The following FAM221A variants were observed in gnomAD, a reference collection of about 807,000 sequenced individuals.
FAM221A encodes the protein protein FAM221A.
FAM221A carries 43 observed loss-of-function variants against 37.6 expected under a neutral mutation model. The ratio of observed to expected loss-of-function variants is 1.15; its 90% CI spans 0.90 to 1.48. The LOEUF (loss-of-function observed/expected upper bound fraction) is 1.48. Ranked by LOEUF, FAM221A falls within the 40% of genes most tolerant of loss-of-function variation. The pLI is 0.00. For missense variants in FAM221A, 361 were observed against 361.5 expected, an observed-to-expected ratio of 1.00 and a Z score of 0.01; for synonymous variants, 135 against 132.9, an observed-to-expected ratio of 1.02 and a Z score of -0.11.
intron 1 of FAM221A, among the ~76,000 whole-genome samples, chr7:23,682,419 T>C (rs1218022952): frequency 7.2e-5 from 5 of 69,078 alleles, no homozygotes. Context: ...ATATTTATTA[T>C]TATTATTATT....
chr7:23,687,178 A>G (rs1196009731), intron 2 of FAM221A: 6 of 152,398 alleles, frequency 3.9e-5, no homozygotes, highest in Admixed American at 6.5e-5. Context: ...GTGCTGATCA[A>G]AAACAAGATT....
chr7:23,680,224 G>A lies in FAM221A; in HGVS notation c.6G>A (p.Glu2=). Residue 2 remains glutamate, a synonymous_variant, in exon 1 of 7, where the codon GAG becomes GAA. Coordinates refer to ENST00000344962, the MANE Select transcript of FAM221A (RefSeq NM_199136.5). ...CTTTGGCTTCCCCACCGGCAATGGAGCGGTTGACGTTGCCTCTCGGCGGCG... is the reference window on the plus strand; with the variant it reads ...CTTTGGCTTCCCCACCGGCAATGGAACGGTTGACGTTGCCTCTCGGCGGCG... M[E]RLTLPLGGAA... 1.3e-6 allele frequency: 2 copies of A among 1,549,870 alleles called. No homozygotes were observed. Among genetic ancestry groups the A allele is most frequent in the Non-Finnish European group, 1.7e-6 (2 of 1,146,112 alleles).
chr7:23,699,222 A>G (rs909407163), intron 5 of FAM221A, among the ~76,000 whole-genome samples: 2 of 149,824 alleles, frequency 1.3e-5, no homozygotes, highest in Admixed American at 1.3e-4. Context: ...GGCTCAAGTG[A>G]TCTTCCTGCC....
chr7:23,699,642 A>T (rs1157988855), intron 5 of FAM221A, among the ~76,000 whole-genome samples: 3 of 144,672 alleles, frequency 2.1e-5, no homozygotes, highest in African/African-American at 7.8e-5. Context: ...TACCTGGCTC[A>T]AGTGATCTCC....
intron 1 of FAM221A, among the ~76,000 whole-genome samples, chr7:23,683,819 A>G (rs1313810947): frequency 1.3e-5 from 2 of 152,186 alleles, no homozygotes. Flanking sequence ...ATGAACTGGG[A>G]AAGAAGGGAG....
intron 3 of FAM221A, among the ~76,000 whole-genome samples, chr7:23,690,200 T>TATATATATATATATA (rs1491098232): frequency 3.3e-3 from 62 of 18,564 alleles, no homozygotes; most frequent in South Asian, 0.016. Context: ...TATATATATA[T>TATATATATATATATA]TTTTTTTTTT....
intron 1 of FAM221A, among the ~76,000 whole-genome samples, chr7:23,683,698 G>A (rs1484129272): frequency 1.3e-5 from 2 of 152,094 alleles, no homozygotes; most frequent in East Asian, 3.9e-4. Flanking sequence ...GTGGAGGGGA[G>A]AAAAGATTTC....
At chr7:23,702,981 G>A (rs1010131281), downstream of FAM221A, 2 of 152,162 alleles carry the variant, frequency 1.3e-5, no homozygotes, top group African/African-American at 2.4e-5. Flanking sequence ...GCCCAAAGAT[G>A]TTGGGGAGCT....
chr7:23,683,104 G>A (rs1784157889), intron 1 of FAM221A, among the ~76,000 whole-genome samples: 1 of 152,156 alleles, frequency 6.6e-6, no homozygotes, highest in Non-Finnish European at 1.5e-5. Context: ...AAAAAAGCAT[G>A]TATTGCACAA....
At chr7:23,683,265 A>G (rs1430171877) in intron 1 of FAM221A, among the ~76,000 whole-genome samples, 1 of 152,186 alleles carries the variant, frequency 6.6e-6, no homozygotes, top group Non-Finnish European at 1.5e-5. Flanking sequence ...TTTCATAGAA[A>G]TAGTGGGGGC....
chr7:23,684,591 G>A lies in FAM221A; in HGVS notation c.158G>A (p.Arg53Lys). 1.9e-6 allele frequency: 3 copies of A among 1,614,108 alleles called. No homozygotes were observed. The highest frequency in any genetic ancestry group is 2.5e-6 in the Non-Finnish European group (3 of 1,179,958). ...RKVLPLRLQN[R>K]LFVSWRSPTG... ...GTTTTACCTCTGCGCTTACAAAACA[G>A]ATTATTTGTGAGCTGGCGGTCACCA... is the stretch of plus-strand genomic sequence containing the variant. Residue 53 changes from arginine (R) to lysine (K), a missense_variant, in exon 2 of 7, where the codon AGA (arginine) becomes AAA (lysine). By Grantham distance (26) the Arg-to-Lys change is conservative. Coordinates refer to ENST00000344962, the MANE Select transcript of FAM221A (RefSeq NM_199136.5).
At position 23,695,405 on chromosome 7, in the gene FAM221A, A is replaced by G. The variant is rs182995240; in HGVS notation, c.638-2787A>G. Among the ~76,000 whole-genome samples the G allele has an allele frequency of 4.9e-3, 748 of 152,208 alleles. 11 individuals are homozygous for G. The highest frequency in any genetic ancestry group is 0.017 in the African/African-American group (700 of 41,510). ...TTCTAGGTATTTAACTTTTTTTGAG[A>G]TGGAATCTTGCTCTGTCTCCCAGGC... On this transcript the variant is annotated intron_variant, in intron 4 of 6. Transcript: ENST00000344962.
At chr7:23,692,873 TG>T (rs1037250018) in intron 4 of FAM221A, 18 of 470,730 alleles carry the variant, frequency 3.8e-5, no homozygotes, top group African/African-American at 3.8e-4. Flanking sequence ...CTTGCTATGG[TG>T]GTAGGCTAGG....
At chr7:23,690,830 T>C (rs900411437) in intron 3 of FAM221A, among the ~76,000 whole-genome samples, 1 of 152,226 alleles carries the variant, frequency 6.6e-6, no homozygotes, top group Non-Finnish European at 1.5e-5. Flanking sequence ...TGTTTCTGGA[T>C]TTGCCTATTC....
chr7:23,689,625 G>C (rs1465123217), intron 3 of FAM221A, among the ~76,000 whole-genome samples, 166 bp downstream of exon 3: 3 of 152,252 alleles, frequency 2.0e-5, no homozygotes, highest in African/African-American at 7.2e-5. Flanking sequence ...GAATTCATTG[G>C]ATAGATACTC....
intron 3 of FAM221A, among the ~76,000 whole-genome samples, chr7:23,690,182 TATATATATATATATATA>T (rs1420854588): frequency 1.9e-5 from 1 of 52,644 alleles, no homozygotes; most frequent in African/African-American, 6.2e-5. Flanking sequence ...TATATATATA[TATATATATATATATATA>T]TTTTTTTTTT....
chr7:23,698,802 T>A (rs550533866), intron 5 of FAM221A, among the ~76,000 whole-genome samples: 8 of 152,360 alleles, frequency 5.3e-5, no homozygotes, highest in African/African-American at 1.9e-4. Flanking sequence ...TAGAATATTT[T>A]AAAATGAGAA....
intron 2 of FAM221A, among the ~76,000 whole-genome samples, chr7:23,685,881 C>T (rs1434302346): frequency 6.6e-6 from 1 of 152,140 alleles, no homozygotes; most frequent in Non-Finnish European, 1.5e-5. Context: ...AGTCTCTGAA[C>T]CTGTTCCATG....
At chr7:23,701,391 C>G (rs987109961) in intron 6 of FAM221A, among the ~76,000 whole-genome samples, 1 of 151,894 alleles carries the variant, frequency 6.6e-6, no homozygotes, top group African/African-American at 2.4e-5. Flanking sequence ...AGGCGCCCAC[C>G]ACCATGCCCA....
Sources: allele counts gnomAD v4.1 joint callset (sites outside exome capture counted in the v4.1 genomes callset), GRCh38; gene constraint gnomAD v4.1.1; transcripts MANE v1.5; gene names NCBI Gene and HGNC (gene_info 2026-07-23, HGNC 2026-07-21).